The following GRIK1 variants were observed in gnomAD, a reference collection of about 807,000 sequenced individuals.
GRIK1 encodes glutamate receptor ionotropic, kainate 1.
A neutral mutation model predicts 105.7 loss-of-function variants in GRIK1; 69 were observed. That is an observed-to-expected ratio of 0.65 (90% CI 0.54 to 0.80). The LOEUF is 0.80. Ranked by LOEUF, GRIK1 falls within the 30% of genes least tolerant of loss-of-function variation. The pLI, the probability that GRIK1 is intolerant of heterozygous loss-of-function variation, is 0.00. For synonymous variants in GRIK1, 438 were observed against 431.3 expected (o/e 1.02, Z -0.19); for missense variants, 1,109 against 1,167.3 (o/e 0.95, Z 0.73).
chr21:29,885,067 A>G lies in GRIK1; in HGVS notation c.118+54316T>C, dbSNP rs79121567. On this transcript the variant is annotated intron_variant, in intron 1 of 17. Transcript: ENST00000327783. ...AAATGAGAATGAGCTGCATTTTAAA[A>G]ACTACTTTTTAATGGACACATTGTA... Among the ~76,000 whole-genome samples the G allele has an allele frequency of 4.5e-3, 692 of 152,192 alleles. 2 individuals carry two copies. The highest frequency in any genetic ancestry group is 0.016 in the African/African-American group (674 of 41,566).
chr21:29,689,294 C>A (rs920558766), intron 3 of GRIK1, among the ~76,000 whole-genome samples: 2 of 152,152 alleles, frequency 1.3e-5, no homozygotes, highest in Admixed American at 1.3e-4. Context: ...TCTATTGGTA[C>A]AACCTCTAAA....
chr21:29,678,147 C>A (rs1316296817), intron 3 of GRIK1, among the ~76,000 whole-genome samples: 1 of 152,140 alleles, frequency 6.6e-6, no homozygotes, highest in Non-Finnish European at 1.5e-5. Context: ...TCTATTTGAA[C>A]TTGGAAATAT....
chr21:29,722,056 G>C (rs1196184168), intron 1 of GRIK1, among the ~76,000 whole-genome samples: 3 of 152,082 alleles, frequency 2.0e-5, no homozygotes, highest in Non-Finnish European at 2.9e-5. Flanking sequence ...TTTCTCATAA[G>C]GCCCTTTGAA....
chr21:29,928,934 C>A (rs148693684), intron 1 of GRIK1, among the ~76,000 whole-genome samples: 210 of 152,312 alleles, frequency 1.4e-3, no homozygotes, highest in African/African-American at 4.7e-3. Flanking sequence ...GAAACTCCCA[C>A]TGGGGCCACA....
chr21:29,787,229 G>C (rs1214001231), intron 1 of GRIK1, among the ~76,000 whole-genome samples: 1 of 152,162 alleles, frequency 6.6e-6, no homozygotes, highest in African/African-American at 2.4e-5. Flanking sequence ...AGGACTTAGT[G>C]TTAGAATGCC....
chr21:29,781,679 TTTG>T (rs2066107079), intron 1 of GRIK1, among the ~76,000 whole-genome samples: 1 of 120,604 alleles, frequency 8.3e-6, no homozygotes. Context: ...TTTTTTTTTT[TTTG>T]AGACGGAGTC....
chr21:29,673,242 G>A (rs1321413093), intron 3 of GRIK1, 78 bp from the exon 4 acceptor site: 3 of 946,916 alleles, frequency 3.2e-6, no homozygotes, highest in East Asian at 2.5e-5. Flanking sequence ...AGTTAAACTC[G>A]TTTCAACTCC....
intron 1 of GRIK1, among the ~76,000 whole-genome samples, chr21:29,882,873 C>T (rs1469851482): frequency 1.3e-5 from 2 of 152,074 alleles, no homozygotes; most frequent in African/African-American, 4.8e-5. Flanking sequence ...CTATACAGAG[C>T]TCTCTTTTCC....
intron 7 of GRIK1, 30 bp downstream of exon 7, chr21:29,642,796 G>A (rs766527566): frequency 6.2e-7 from 1 of 1,608,554 alleles, no homozygotes; most frequent in Non-Finnish European, 8.5e-7. Context: ...GCTCAGAAGG[G>A]CCCCTGGGCT....
At chr21:29,722,872 T>A (rs1401199371) in intron 1 of GRIK1, among the ~76,000 whole-genome samples, 2 of 152,230 alleles carry the variant, frequency 1.3e-5, no homozygotes, top group Non-Finnish European at 2.9e-5. Context: ...AGATTCTATG[T>A]CTTAAAAAAG....
chr21:29,772,068 A>T (rs1291911362), intron 1 of GRIK1, among the ~76,000 whole-genome samples: 2 of 152,254 alleles, frequency 1.3e-5, no homozygotes, highest in Non-Finnish European at 2.9e-5. Flanking sequence ...TTTTCAAAAG[A>T]TCAGTGCATT....
At chr21:29,544,333 G>A (rs2090017793) in intron 16 of GRIK1, among the ~76,000 whole-genome samples, 1 of 152,082 alleles carries the variant, frequency 6.6e-6, no homozygotes, top group Non-Finnish European at 1.5e-5. Flanking sequence ...TTTGCACATG[G>A]GGTGGCCACG....
chr21:29,770,669 C>T lies in GRIK1; in HGVS notation c.119-76606G>A, dbSNP rs147326559. Among the ~76,000 whole-genome samples the T allele has an allele frequency of 5.0e-3, 756 of 152,336 alleles. 10 individuals are homozygous for T. Among genetic ancestry groups the T allele is most frequent in the African/African-American group, 0.017 (724 of 41,574 alleles). On this transcript the variant is annotated intron_variant, in intron 1 of 17. Transcript: ENST00000327783. ...GTGCAAACAGATAAATATCTTCCTACCACTTCTTGTTCCAACTTGCTTCAA... is the reference window on the plus strand; with the variant it reads ...GTGCAAACAGATAAATATCTTCCTATCACTTCTTGTTCCAACTTGCTTCAA...
intron 1 of GRIK1, among the ~76,000 whole-genome samples, chr21:29,868,629 C>G (rs977584205): frequency 2.0e-4 from 31 of 152,184 alleles, no homozygotes; most frequent in Non-Finnish European, 8.8e-5. Context: ...CCTTCCTCCT[C>G]TCTTCAGCCC....
At chr21:29,888,837 A>G (rs1193223235) in intron 1 of GRIK1, among the ~76,000 whole-genome samples, 1 of 152,096 alleles carries the variant, frequency 6.6e-6, no homozygotes, top group African/African-American at 2.4e-5. Flanking sequence ...AGATTAGAGG[A>G]GTTTTTTTTT....
chr21:29,738,791 T>C (rs1239731724), intron 1 of GRIK1, among the ~76,000 whole-genome samples: 1 of 152,208 alleles, frequency 6.6e-6, no homozygotes, highest in Non-Finnish European at 1.5e-5. Flanking sequence ...TTCTTATTCT[T>C]TATTTTGCTT....
At chr21:29,662,314 G>A (rs930722490) in intron 4 of GRIK1, among the ~76,000 whole-genome samples, 2 of 152,176 alleles carry the variant, frequency 1.3e-5, no homozygotes, top group Non-Finnish European at 2.9e-5. Context: ...TTTTCCCATG[G>A]CAGAATGAAA....
chr21:29,898,972 C>A (rs76043839), intron 1 of GRIK1, among the ~76,000 whole-genome samples: 12 of 145,286 alleles, frequency 8.3e-5, no homozygotes, highest in African/African-American at 1.3e-4. Flanking sequence ...AACTCCGTCT[C>A]AAAAAAAAAA....
intron 2 of GRIK1, among the ~76,000 whole-genome samples, chr21:29,692,963 A>C (rs1470405260): frequency 1.3e-5 from 2 of 152,238 alleles, no homozygotes; most frequent in Non-Finnish European, 2.9e-5. Context: ...AGGCTGTATC[A>C]GGTGGACACA....
Sources: gnomAD v4.1 joint callset for allele counts (sites outside exome capture counted in the v4.1 genomes callset) on GRCh38, gnomAD v4.1.1 for gene constraint, MANE v1.5 for transcripts, NCBI Gene and HGNC (gene_info 2026-07-23, HGNC 2026-07-21) for gene names.